KCNS3: variants seen among roughly 807,000 people sequenced by gnomAD.
KCNS3 encodes the protein potassium voltage-gated channel modifier subfamily S member 3, also known as delayed-rectifier potassium channel regulatory subunit KCNS3.
A neutral mutation model predicts 31.0 loss-of-function variants in KCNS3; 13 were observed. The ratio of observed to expected loss-of-function variants is 0.42; its 90% CI spans 0.27 to 0.67. The LOEUF (loss-of-function observed/expected upper bound fraction) is 0.67. Ranked by LOEUF, KCNS3 falls within the 30% of genes least tolerant of loss-of-function variation. The pLI, the probability that KCNS3 is intolerant of heterozygous loss-of-function variation, is 0.25. For missense variants in KCNS3, 545 were observed against 622.4 expected (o/e 0.88, Z 1.32); for synonymous variants, 238 against 241.5 (o/e 0.99, Z 0.13).
Position 17,932,561 on chromosome 2 carries a change from C to G in KCNS3, c.*77C>G. 6.9e-7 allele frequency: 1 copy of G among 1,442,424 alleles called. No homozygotes were observed. Among genetic ancestry groups the G allele is most frequent in the Non-Finnish European group, 9.3e-7 (1 of 1,069,728 alleles). 89.4% of individuals were successfully genotyped at this position (1,442,424 alleles called of 1,614,324 possible). A position where few individuals can be genotyped will look rare whatever the true frequency, so the allele number is the denominator to read the frequency against. On this transcript the variant is annotated 3_prime_UTR_variant, in exon 3 of 3. Coordinates refer to ENST00000304101, the MANE Select transcript of KCNS3 (RefSeq NM_002252.5). ...ACAGCTTTATAAACCTCAGTGGGTTCGTTAAAATCATTTAATTCTCAGGGT... is the reference window on the plus strand; with the variant it reads ...ACAGCTTTATAAACCTCAGTGGGTTGGTTAAAATCATTTAATTCTCAGGGT...
At chr2:17,917,325 C>T (rs181252716) in intron 1 of KCNS3, among the ~76,000 whole-genome samples, 8 of 152,296 alleles carry the variant, frequency 5.3e-5, no homozygotes, top group Non-Finnish European at 1.0e-4. Flanking sequence ...AAGTATATCT[C>T]GATGAATTAG....
At chr2:17,894,402 A>G (rs973043517) in intron 1 of KCNS3, among the ~76,000 whole-genome samples, 4 of 152,216 alleles carry the variant, frequency 2.6e-5, no homozygotes, top group African/African-American at 9.6e-5. Flanking sequence ...TGGACTGCTT[A>G]GCTAATTTGA....
chr2:17,899,421 G>C (rs916274301), intron 1 of KCNS3, among the ~76,000 whole-genome samples: 2 of 133,602 alleles, frequency 1.5e-5, no homozygotes, highest in East Asian at 2.9e-4. Context: ...TTTGCTGTCA[G>C]TCATCTATCT....
intron 1 of KCNS3, among the ~76,000 whole-genome samples, chr2:17,910,823 CT>C (rs1409434484): frequency 2.0e-5 from 3 of 152,046 alleles, no homozygotes; most frequent in African/African-American, 7.2e-5. Flanking sequence ...TTTGGTATTC[CT>C]AATTCACAAA....
At chr2:17,888,645 A>G (rs868704462) in intron 1 of KCNS3, among the ~76,000 whole-genome samples, 1,998 of 123,642 alleles carry the variant, frequency 0.016, 78 homozygotes, top group Non-Finnish European at 0.025. Context: ...ATATATATAT[A>G]TATATATATA....
intron 1 of KCNS3, among the ~76,000 whole-genome samples, chr2:17,891,663 C>T (rs1661858401): frequency 6.6e-6 from 1 of 152,064 alleles, no homozygotes; most frequent in Non-Finnish European, 1.5e-5. Context: ...CTCAAAAAGA[C>T]TATCTTTTCT....
chr2:17,906,197 A>G (rs376878946), intron 1 of KCNS3, among the ~76,000 whole-genome samples: 2 of 152,250 alleles, frequency 1.3e-5, no homozygotes, highest in South Asian at 2.1e-4. Context: ...GGGAGGGTGT[A>G]TGTGTCCAGG....
chr2:17,892,844 G>A (rs962694981), intron 1 of KCNS3, among the ~76,000 whole-genome samples: 5 of 152,292 alleles, frequency 3.3e-5, no homozygotes, highest in African/African-American at 4.8e-5. Flanking sequence ...GGTAGCGGAG[G>A]GTGCAATGGA....
chr2:17,910,518 A>G (rs1338565187), intron 1 of KCNS3, among the ~76,000 whole-genome samples: 1 of 152,182 alleles, frequency 6.6e-6, no homozygotes, highest in Non-Finnish European at 1.5e-5. Flanking sequence ...AAGTAATGAA[A>G]TGTTGCTGTT....
chr2:17,893,514 C>T (rs113042466), intron 1 of KCNS3, among the ~76,000 whole-genome samples: 3 of 152,364 alleles, frequency 2.0e-5, no homozygotes, highest in Non-Finnish European at 4.4e-5. Flanking sequence ...TTACCCCCTG[C>T]ATCTCTGGGC....
chr2:17,915,874 G>A (rs879890160), intron 1 of KCNS3, among the ~76,000 whole-genome samples: 2 of 152,128 alleles, frequency 1.3e-5, no homozygotes, highest in Admixed American at 6.6e-5. Context: ...GGAAAATGGG[G>A]CAAGGCACAG....
chr2:17,923,244 C>G (rs1662761146), intron 2 of KCNS3, among the ~76,000 whole-genome samples: 1 of 152,084 alleles, frequency 6.6e-6, no homozygotes, highest in Non-Finnish European at 1.5e-5. Context: ...TTTTCAAGTA[C>G]CTTTTGGCCA....
intron 1 of KCNS3, among the ~76,000 whole-genome samples, chr2:17,891,806 A>G (rs56394291): frequency 0.2 from 30,683 of 152,018 alleles, 3,869 homozygotes; most frequent in Non-Finnish European, 0.29. Flanking sequence ...TGTTAATCTG[A>G]TAGATTTTCT....
At chr2:17,916,808 C>T (rs930886059) in intron 1 of KCNS3, among the ~76,000 whole-genome samples, 1 of 149,352 alleles carries the variant, frequency 6.7e-6, no homozygotes, top group African/African-American at 2.5e-5. Context: ...TTTGTTTAAT[C>T]ACTGGCCTAG....
At chr2:17,914,944 C>T (rs1383526982) in intron 1 of KCNS3, among the ~76,000 whole-genome samples, 1 of 152,214 alleles carries the variant, frequency 6.6e-6, no homozygotes, top group African/African-American at 2.4e-5. Flanking sequence ...GTCATTCTCA[C>T]TCATGTGGAC....
At chr2:17,883,961 A>G (rs1269831066) in intron 1 of KCNS3, among the ~76,000 whole-genome samples, 1 of 151,970 alleles carries the variant, frequency 6.6e-6, no homozygotes, top group Admixed American at 6.6e-5. Context: ...TTGTAGGGAC[A>G]TAGATGAAGC....
chr2:17,884,264 A>ATATAT (rs1553340988), intron 1 of KCNS3, among the ~76,000 whole-genome samples: 169 of 47,938 alleles, frequency 3.5e-3, no homozygotes, highest in African/African-American at 4.6e-3. Flanking sequence ...ATTAAAAAAA[A>ATATAT]AAAAATATAT....
rs764262868 is a variant in KCNS3 at position 17,932,354 on chromosome 2, A to G, written c.1346A>G (p.His449Arg). The change falls in exon 3 of 3, where the codon CAC becomes CGC. Residue 449 changes from histidine (H) to arginine (R), a missense_variant. Transcript: ENST00000304101. ...NIRDIYAQRMHTFITSLSSVG... is the reference protein window; with the variant it reads ...NIRDIYAQRMRTFITSLSSVG... Reference sequence around the variant, plus strand: ...AGGGATATATATGCACAGCGGATGCACACCTTCATTACCAGTCTCTCTTCT... The same window carrying G: ...AGGGATATATATGCACAGCGGATGCGCACCTTCATTACCAGTCTCTCTTCT... The G allele has an allele frequency of 1.2e-6, 2 of 1,614,064 alleles. No homozygotes were observed. The highest frequency in any genetic ancestry group is 1.7e-6 in the Non-Finnish European group (2 of 1,179,974).
intron 1 of KCNS3, among the ~76,000 whole-genome samples, chr2:17,896,863 T>C (rs1251957823): frequency 2.0e-5 from 3 of 152,172 alleles, no homozygotes; most frequent in Non-Finnish European, 4.4e-5. Flanking sequence ...CCTCTATAAA[T>C]TATTCCTATA....
Sources: gnomAD v4.1 joint callset for allele counts (sites outside exome capture counted in the v4.1 genomes callset) on GRCh38, gnomAD v4.1.1 for gene constraint, MANE v1.5 for transcripts, NCBI Gene and HGNC (gene_info 2026-07-23, HGNC 2026-07-21) for gene names.